Variants in ZNF727 observed in about 807,000 individuals in gnomAD.
ZNF727 encodes the protein putative zinc finger protein 727.
Under a neutral mutation model 11.5 loss-of-function variants are expected in ZNF727, and 11 were observed. The observed-to-expected ratio is 0.95, with a 90% CI of 0.60 to 1.58. The LOEUF (loss-of-function observed/expected upper bound fraction) is 1.58, where lower values mean the gene tolerates loss of function less well. Ranked by LOEUF, ZNF727 falls within the 40% of genes most tolerant of loss-of-function variation. ZNF727 has a pLI of 0.00. For synonymous variants in ZNF727, 171 were observed against 196.1 expected (o/e 0.87, Z 1.07); for missense variants, 533 against 581.7 (o/e 0.92, Z 0.86).
At chr7:64,070,487 T>TA (rs1177031770) in intron 3 of ZNF727, among the ~76,000 whole-genome samples, 5 of 152,126 alleles carry the variant, frequency 3.3e-5, no homozygotes, top group Admixed American at 2.6e-4. Context: ...AGACATATAA[T>TA]ACCAGTAACG....
At position 64,084,658 on chromosome 7, in the gene ZNF727, C is replaced by A. The variant is rs1402517600; in HGVS notation, c.*6109C>A. 6.6e-6 allele frequency among the ~76,000 whole-genome samples: 1 copy of A among 152,108 alleles called. No individual in the cohort carries two copies. Among genetic ancestry groups the A allele is most frequent in the Non-Finnish European group, 1.5e-5 (1 of 67,990 alleles). ...CTATATGTTTCTGAATTCTGAACAACTATTTACAAAATTTTATCCTACTTT... is the reference window on the plus strand; with the variant it reads ...CTATATGTTTCTGAATTCTGAACAAATATTTACAAAATTTTATCCTACTTT... On this transcript the variant is annotated 3_prime_UTR_variant, in exon 4 of 4. Coordinates refer to ENST00000456806, the MANE Select transcript of ZNF727 (RefSeq NM_001159522.3).
chr7:64,048,221 A>C (rs1789538816), intron 1 of ZNF727, among the ~76,000 whole-genome samples: 1 of 152,256 alleles, frequency 6.6e-6, no homozygotes, highest in Non-Finnish European at 1.5e-5. Context: ...CTAAGAGAAA[A>C]GAGGTAGATT....
At position 64,079,575 on chromosome 7, in the gene ZNF727, G is replaced by C. The variant is rs905016113; in HGVS notation, c.*1026G>C. On this transcript the variant is annotated 3_prime_UTR_variant, in exon 4 of 4. Coordinates refer to ENST00000456806, the MANE Select transcript of ZNF727 (RefSeq NM_001159522.3). ...CCTTTATTTTGAGCTTATTTGAAAT[G>C]GGTATCTCAATTACAGCATACCATT... is the stretch of plus-strand genomic sequence containing the variant. 6.6e-6 allele frequency among the ~76,000 whole-genome samples: 1 copy of C among 152,078 alleles called. No individual in the cohort carries two copies. Among genetic ancestry groups the C allele is most frequent in the African/African-American group, 2.4e-5 (1 of 41,398 alleles).
At chr7:64,060,393 T>C (rs888202972) in intron 1 of ZNF727, among the ~76,000 whole-genome samples, 2 of 152,178 alleles carry the variant, frequency 1.3e-5, no homozygotes, top group African/African-American at 4.8e-5. Context: ...CAGAGAGGCT[T>C]TTCTCTCTTT....
intron 1 of ZNF727, among the ~76,000 whole-genome samples, chr7:64,053,619 G>A (rs1334076159): frequency 1.3e-5 from 2 of 151,892 alleles, no homozygotes; most frequent in Non-Finnish European, 2.9e-5. Flanking sequence ...GCACTGGGCT[G>A]AGATCTGATA....
In ZNF727 at chr7:64,083,606, A is replaced by T. The variant is rs1785827557; in HGVS notation, c.*5057A>T. Among the ~76,000 whole-genome samples, 1 of 152,168 alleles carries T rather than the reference A, an allele frequency of 6.6e-6. No homozygotes were observed. The highest frequency in any genetic ancestry group is 1.5e-5 in the Non-Finnish European group (1 of 68,038). On this transcript the variant is annotated 3_prime_UTR_variant, in exon 4 of 4. Coordinates refer to ENST00000456806, the MANE Select transcript of ZNF727 (RefSeq NM_001159522.3). ...GAGACTCCACATAGCTCTGTGTGTT[A>T]AATTGAAGGCCTTGGTGAAGTGGGT... is the stretch of plus-strand genomic sequence containing the variant.
Position 64,083,170 on chromosome 7 carries a change from G to A in ZNF727, c.*4621G>A, listed in dbSNP as rs531031231. ...ATGAGATTGGGGACCTGCTTTAACA[G>A]ACAGTCTGGCCATGTCTTTTTAGAG... On this transcript the variant is annotated 3_prime_UTR_variant, in exon 4 of 4. Coordinates refer to ENST00000456806, the MANE Select transcript of ZNF727 (RefSeq NM_001159522.3). Among the ~76,000 whole-genome samples the A allele has an allele frequency of 6.6e-6, 1 of 152,340 alleles. No homozygotes were observed. Among genetic ancestry groups the A allele is most frequent in the South Asian group, 2.1e-4 (1 of 4,832 alleles).
intron 1 of ZNF727, among the ~76,000 whole-genome samples, chr7:64,050,752 A>G (rs6973454): frequency 0.53 from 80,356 of 150,706 alleles, 22,621 homozygotes; most frequent in Non-Finnish European, 0.64. Flanking sequence ...TATGTATAAT[A>G]TGTGTGTGTA....
Position 64,084,041 on chromosome 7 carries a change from A to G in ZNF727, c.*5492A>G, listed in dbSNP as rs1029927127. ...GAACATGGTCAATGGTTGCTGCACC[A>G]GAGTTAGGAGAAGTTCTTCCGTATC... On this transcript the variant is annotated 3_prime_UTR_variant, in exon 4 of 4. Transcript: ENST00000456806. Among the ~76,000 whole-genome samples the G allele has an allele frequency of 6.6e-6, 1 of 152,204 alleles. No homozygotes were observed. Among genetic ancestry groups the G allele is most frequent in the African/African-American group, 2.4e-5 (1 of 41,452 alleles).
chr7:64,072,326 G>A (rs961923812), intron 3 of ZNF727, among the ~76,000 whole-genome samples: 39 of 152,054 alleles, frequency 2.6e-4, no homozygotes, highest in African/African-American at 9.2e-4. Context: ...CCAGGAGCCT[G>A]GGTAGTTGTT....
rs190575186 is a variant in ZNF727 at position 64,049,199 on chromosome 7, C to T, written c.3+3575C>T. Among the ~76,000 whole-genome samples the T allele has an allele frequency of 4.5e-3, 682 of 152,130 alleles. 10 individuals carry two copies. Among genetic ancestry groups the T allele is most frequent in the African/African-American group, 0.015 (630 of 41,520 alleles). ...ATAAACAGATGTATTCAGTCTCAGT[C>T]AGCTGACCATACAAGATAAGATTTC... On this transcript the variant is annotated intron_variant, in intron 1 of 3. Coordinates refer to ENST00000456806, the MANE Select transcript of ZNF727 (RefSeq NM_001159522.3).
Position 64,077,998 on chromosome 7 carries a change from T to A in ZNF727, c.949T>A (p.Cys317Ser). The A allele has an allele frequency of 6.2e-7, 1 of 1,604,834 alleles. No individual in the cohort carries two copies. Among genetic ancestry groups the A allele is most frequent in the Non-Finnish European group, 8.5e-7 (1 of 1,175,274 alleles). The change falls in exon 4 of 4, where the codon TGT (cysteine) becomes AGT (serine). Residue 317 changes from cysteine to serine, a missense_variant. Coordinates refer to ENST00000456806, the MANE Select transcript of ZNF727 (RefSeq NM_001159522.3). Reference sequence around the variant, plus strand: ...AGAGAAACCCTACAAATGTAATGAATGTGGAAAAGCTTTTATGTGGATCTC... The same window carrying A: ...AGAGAAACCCTACAAATGTAATGAAAGTGGAAAAGCTTTTATGTGGATCTC... Reference protein sequence around the residue: ...TGEKPYKCNECGKAFMWISAL... With the variant: ...TGEKPYKCNESGKAFMWISAL...
intron 1 of ZNF727, among the ~76,000 whole-genome samples, chr7:64,054,375 C>G (rs1270080185): frequency 6.6e-6 from 1 of 152,210 alleles, no homozygotes; most frequent in African/African-American, 2.4e-5. Flanking sequence ...TGACACAGCT[C>G]TTTACGATAT....
rs189746314 is a variant in ZNF727 at position 64,084,723 on chromosome 7, G to A, written c.*6174G>A. On this transcript the variant is annotated 3_prime_UTR_variant, in exon 4 of 4. Transcript: ENST00000456806. ...ATGACTTCTCTCGTCTGCTAAACAC[G>A]TACAGACCTTTAGTTTTGATTTACA... is the stretch of plus-strand genomic sequence containing the variant. 3.3e-5 allele frequency among the ~76,000 whole-genome samples: 5 copies of A among 152,120 alleles called. No individual in the cohort carries two copies. The highest frequency in any genetic ancestry group is 2.1e-4 in the South Asian group (1 of 4,822).
intron 3 of ZNF727, among the ~76,000 whole-genome samples, chr7:64,070,124 T>C (rs1310580679): frequency 5.9e-5 from 9 of 152,102 alleles, no homozygotes; most frequent in Non-Finnish European, 1.3e-4. Flanking sequence ...AGGCTTCAAA[T>C]GTGATTTTAC....
chr7:64,058,950 C>CTTTTTTTTTTTTTTTTTTTTTT (rs560995822), intron 1 of ZNF727, among the ~76,000 whole-genome samples: 8 of 145,396 alleles, frequency 5.5e-5, no homozygotes, highest in East Asian at 4.4e-4. Flanking sequence ...ATTGCATTGT[C>CTTTTTTTTTTTTTTTTTTTTTT]TTTTTTTTTT....
Position 64,078,056 on chromosome 7 carries a change from G to A in ZNF727, c.1007G>A (p.Gly336Glu), listed in dbSNP as rs751964668. The change falls in exon 4 of 4, where the codon GGA (glycine) becomes GAA (glutamate). Residue 336 changes from glycine to glutamate, a missense_variant. This residue lies in a region of ZNF727 where 463 missense variants were observed against 494.5 expected (regional missense o/e 0.94). Transcript: ENST00000456806. ...AGTCAACATAACAGAATTCATACTG[G>A]AGAGAAACCCTACATTTGTGAAGAA... ...ALSQHNRIHT[G>E]EKPYICEECG... The A allele has an allele frequency of 3.1e-6, 5 of 1,610,802 alleles. No homozygotes were observed. Among genetic ancestry groups the A allele is most frequent in the Non-Finnish European group, 4.2e-6 (5 of 1,178,634 alleles).
intron 1 of ZNF727, among the ~76,000 whole-genome samples, chr7:64,050,758 G>A (rs1789581887): frequency 6.8e-6 from 1 of 146,966 alleles, no homozygotes; most frequent in Non-Finnish European, 1.5e-5. Flanking sequence ...TAATATGTGT[G>A]TGTATGTATG....
At chr7:64,072,021 C>G (rs1330767284) in intron 3 of ZNF727, among the ~76,000 whole-genome samples, 28 of 151,822 alleles carry the variant, frequency 1.8e-4, no homozygotes, top group Non-Finnish European at 1.5e-5. Flanking sequence ...GTATAATGCC[C>G]CTAGCTTTGT....
Sources: gnomAD v4.1 joint callset for allele counts (sites outside exome capture counted in the v4.1 genomes callset) on GRCh38, gnomAD v4.1.1 for gene constraint, gnomAD v4.1.1 regional missense constraint, MANE v1.5 for transcripts, NCBI Gene and HGNC (gene_info 2026-07-23, HGNC 2026-07-21) for gene names.